Variants in GALNT1 observed in about 807,000 individuals in gnomAD.
GALNT1 encodes the protein GalNAc transferase 1.
A neutral mutation model predicts 65.7 loss-of-function variants in GALNT1; 17 were observed. The ratio of observed to expected loss-of-function variants is 0.26; its 90% CI spans 0.18 to 0.39. The LOEUF (loss-of-function observed/expected upper bound fraction) is 0.39, where lower values mean the gene tolerates loss of function less well. Among genes scored for constraint, GALNT1 ranks in the 10% least tolerant of loss-of-function variants. The pLI is 1.00. For missense variants in GALNT1, 460 were observed against 672.8 expected, an observed-to-expected ratio of 0.68 and a Z score of 3.50; for synonymous variants, 210 against 219.7, an observed-to-expected ratio of 0.96 and a Z score of 0.39.
intron 7 of GALNT1, 124 bp from the exon 8 acceptor site, chr18:35,690,888 C>T: frequency 1.2e-6 from 1 of 807,726 alleles, no homozygotes; most frequent in South Asian, 2.3e-5. Context: ...CAATATGTTC[C>T]ATTTAAGTTT....
intron 2 of GALNT1, among the ~76,000 whole-genome samples, chr18:35,662,275 GT>G: frequency 6.6e-6 from 1 of 152,246 alleles, no homozygotes; most frequent in Non-Finnish European, 1.5e-5. Flanking sequence ...GGCAGGACTT[GT>G]TTTTAAAAAC....
At chr18:35,619,940 A>G (rs559348919) in intron 1 of GALNT1, among the ~76,000 whole-genome samples, 1 of 152,294 alleles carries the variant, frequency 6.6e-6, no homozygotes, top group South Asian at 2.1e-4. Flanking sequence ...CAAGCCATGA[A>G]ACCACCTCTC....
chr18:35,602,031 C>T (rs1183706869), intron 1 of GALNT1, among the ~76,000 whole-genome samples: 1 of 152,196 alleles, frequency 6.6e-6, no homozygotes, highest in Non-Finnish European at 1.5e-5. Flanking sequence ...TTGAAGAACT[C>T]CCTTTAGCAT....
At chr18:35,631,623 A>G (rs530230355) in intron 1 of GALNT1, among the ~76,000 whole-genome samples, 14,403 of 152,038 alleles carry the variant, frequency 0.095, 821 homozygotes, top group African/African-American at 0.17. Context: ...AAAAACTGGA[A>G]GCATTCCCTT....
intron 1 of GALNT1, among the ~76,000 whole-genome samples, chr18:35,632,037 A>G (rs936933850): frequency 1.2e-4 from 19 of 152,352 alleles, no homozygotes; most frequent in Middle Eastern, 3.4e-3. Context: ...CCAGTGCTCA[A>G]TGAAATAAAA....
chr18:35,581,710 A>G (rs2046318099), upstream of GALNT1: 1 of 139,046 alleles, frequency 7.2e-6, no homozygotes, highest in Non-Finnish European at 1.6e-5. Context: ...GCCCGGCCGG[A>G]CCCGCCCGCC....
chr18:35,598,991 G>GTT (rs377086201), intron 1 of GALNT1, among the ~76,000 whole-genome samples: 211 of 115,012 alleles, frequency 1.8e-3, no homozygotes, highest in Non-Finnish European at 3.4e-3. Flanking sequence ...GTATCCAGGC[G>GTT]TTTTTTTTTT....
At chr18:35,669,027 G>A (rs2047590647) in intron 3 of GALNT1, among the ~76,000 whole-genome samples, 1 of 152,214 alleles carries the variant, frequency 6.6e-6, no homozygotes, top group South Asian at 2.1e-4. Flanking sequence ...GGATCATGAG[G>A]TCAGGAGATC....
chr18:35,619,484 C>T (rs1408801399), intron 1 of GALNT1, among the ~76,000 whole-genome samples: 1 of 151,968 alleles, frequency 6.6e-6, no homozygotes, highest in Non-Finnish European at 1.5e-5. Context: ...ACAGATGATC[C>T]AGTTATACAG....
chr18:35,710,517 GTTT>G lies in GALNT1; in HGVS notation c.*753_*755del, dbSNP rs1024085919. ...AATATAGTTTTAATTTCTCTCTACA[GTTT>G]TTTTTGTTTGGTTTGTGGGCTGTTG... On this transcript the variant is annotated 3_prime_UTR_variant, in exon 12 of 12. Transcript: ENST00000269195. 1 of 151,758 alleles carries G rather than the reference GTTT, an allele frequency of 6.6e-6. No individual in the cohort carries two copies. The highest frequency in any genetic ancestry group is 1.5e-5 in the Non-Finnish European group (1 of 67,894). The allele number at this position is 151,758 out of a possible 1,614,324, so 9.4% of individuals were successfully genotyped here. A position where few individuals can be genotyped will look rare whatever the true frequency, so the allele number is the denominator to read the frequency against.
At chr18:35,642,896 C>A (rs2047182692) in intron 1 of GALNT1, among the ~76,000 whole-genome samples, 1 of 151,968 alleles carries the variant, frequency 6.6e-6, no homozygotes, top group Admixed American at 6.6e-5. Flanking sequence ...GGTGCTCTGC[C>A]ACTCATCTGT....
At chr18:35,648,322 T>A (rs1252731399) in intron 1 of GALNT1, among the ~76,000 whole-genome samples, 2 of 152,236 alleles carry the variant, frequency 1.3e-5, no homozygotes, top group Non-Finnish European at 2.9e-5. Context: ...GTTAGATGAT[T>A]TTGCACAACT....
intron 1 of GALNT1, among the ~76,000 whole-genome samples, chr18:35,633,579 G>A (rs1051101160): frequency 4.0e-5 from 6 of 151,766 alleles, no homozygotes; most frequent in Admixed American, 3.9e-4. Context: ...GCAATTAGGA[G>A]ATACACCTAA....
Position 35,662,010 on chromosome 18 carries a change from G to A in GALNT1, c.140-1618G>A, listed in dbSNP as rs531401439. 2.6e-5 allele frequency among the ~76,000 whole-genome samples: 4 copies of A among 152,156 alleles called. No individual in the cohort carries two copies. In the East Asian group the frequency reaches 7.7e-4, roughly 29 times the overall value. ...TTTTGTCACCTTCAGAACTCTGCCG[G>A]TTCCTTTTGACCACTGATGTACCAA... On this transcript the variant is annotated intron_variant, in intron 2 of 11. Coordinates refer to ENST00000269195, the MANE Select transcript of GALNT1 (RefSeq NM_020474.4).
chr18:35,671,861 T>A (rs1317903951), intron 3 of GALNT1, among the ~76,000 whole-genome samples: 2 of 152,232 alleles, frequency 1.3e-5, no homozygotes, highest in Non-Finnish European at 2.9e-5. Flanking sequence ...CTGATATTAT[T>A]CTTCAATTGT....
At chr18:35,606,103 A>G (rs890157545) in intron 1 of GALNT1, among the ~76,000 whole-genome samples, 2 of 151,966 alleles carry the variant, frequency 1.3e-5, no homozygotes, top group African/African-American at 4.8e-5. Flanking sequence ...GTTCTGCCTC[A>G]CCCTCCCTCT....
chr18:35,703,356 AG>A (rs1262087278), intron 10 of GALNT1, among the ~76,000 whole-genome samples, 152 bp from the exon 11 acceptor site: 1 of 152,238 alleles, frequency 6.6e-6, no homozygotes, highest in Non-Finnish European at 1.5e-5. Context: ...AATTAGTGGT[AG>A]CTTTTCTGAG....
intron 1 of GALNT1, among the ~76,000 whole-genome samples, chr18:35,649,621 T>C (rs1274763476): frequency 6.6e-6 from 1 of 152,200 alleles, no homozygotes; most frequent in African/African-American, 2.4e-5. Flanking sequence ...CCAGTTTATT[T>C]TTTTTAATGG....
At chr18:35,637,230 CAT>C (rs1440367290) in intron 1 of GALNT1, among the ~76,000 whole-genome samples, 2 of 152,098 alleles carry the variant, frequency 1.3e-5, no homozygotes, top group East Asian at 1.9e-4. Flanking sequence ...AAGGAAGAGT[CAT>C]GTGTCTCTCA....
Sources: gnomAD v4.1 joint callset for allele counts (sites outside exome capture counted in the v4.1 genomes callset) on GRCh38, gnomAD v4.1.1 for gene constraint, MANE v1.5 for transcripts, NCBI Gene and HGNC (gene_info 2026-07-23, HGNC 2026-07-21) for gene names.